Variants in TAS2R1 observed in about 807,000 individuals in gnomAD.
TAS2R1 encodes taste 2 receptor member 1.
For synonymous variants in TAS2R1, 141 were observed against 134.2 expected, an observed-to-expected ratio of 1.05 and a Z score of -0.35; for missense variants, 370 against 353.4, an observed-to-expected ratio of 1.05 and a Z score of -0.38.
the TAS2R1 span, among the ~76,000 whole-genome samples, chr5:9,840,959 C>G: frequency 6.6e-6 from 1 of 150,532 alleles, no homozygotes; most frequent in African/African-American, 2.4e-5. Context: ...ACTGCAAACT[C>G]TGCCTCCCGG....
chr5:9,764,640 C>T, the TAS2R1 span, among the ~76,000 whole-genome samples: 3 of 152,170 alleles, frequency 2.0e-5, no homozygotes, highest in Non-Finnish European at 4.4e-5. Flanking sequence ...AACATTGTCA[C>T]CCTTAAAGAC....
At chr5:9,837,468 A>C in the TAS2R1 span, among the ~76,000 whole-genome samples, 2 of 152,218 alleles carry the variant, frequency 1.3e-5, no homozygotes, top group African/African-American at 4.8e-5. Flanking sequence ...CTTGGAAGTA[A>C]ATAGGCGGGC....
the TAS2R1 span, among the ~76,000 whole-genome samples, chr5:9,827,011 T>C: frequency 1.3e-5 from 2 of 152,192 alleles, no homozygotes; most frequent in Admixed American, 1.3e-4. Context: ...TTTCCACCTC[T>C]GATAATGAAT....
the TAS2R1 span, among the ~76,000 whole-genome samples, chr5:9,882,253 C>A: frequency 3.3e-5 from 5 of 152,090 alleles, no homozygotes; most frequent in African/African-American, 1.2e-4. Flanking sequence ...TGAAAAAAAG[C>A]TCAACATCAG....
chr5:9,667,326 G>C (rs1183403772), intron 1 of TAS2R1, among the ~76,000 whole-genome samples: 1 of 152,162 alleles, frequency 6.6e-6, no homozygotes, highest in Non-Finnish European at 1.5e-5. Flanking sequence ...AGAGCTTCCA[G>C]CCTAGAGGCT....
chr5:9,864,649 A>G, the TAS2R1 span, among the ~76,000 whole-genome samples: 2 of 150,008 alleles, frequency 1.3e-5, no homozygotes, highest in African/African-American at 4.9e-5. Flanking sequence ...AAAAAAAAGA[A>G]GGTGAAGTAG....
chr5:9,633,319 T>TATATATATAC (rs1475834697), upstream of TAS2R1, among the ~76,000 whole-genome samples: 6 of 137,476 alleles, frequency 4.4e-5, no homozygotes, highest in Admixed American at 2.1e-4. Flanking sequence ...TATATATATA[T>TATATATATAC]ACACAAATGT....
At chr5:9,893,233 G>A in the TAS2R1 span, among the ~76,000 whole-genome samples, 6 of 144,014 alleles carry the variant, frequency 4.2e-5, no homozygotes, top group Non-Finnish European at 7.5e-5. Flanking sequence ...TTTGGAGACA[G>A]AGTCTCAGAT....
At chr5:9,716,490 C>A (rs945141860), upstream of TAS2R1, among the ~76,000 whole-genome samples, 1 of 151,932 alleles carries the variant, frequency 6.6e-6, no homozygotes, top group Non-Finnish European at 1.5e-5. Flanking sequence ...AACCCAGAGA[C>A]AACAATCGAT....
rs1739841802 is a variant in TAS2R1 at position 9,630,009 on chromosome 5, G to A, written c.24C>T (p.Ile8=). The stretch of plus-strand genomic sequence containing the variant: ...ATTGTATCACTGCAAGAAGAAAATA[G>A]ATAATGAGGTGAGACTCTAGCATTT... MLESHLI[I]YFLLAVIQFL... Residue 8 remains isoleucine (I), a synonymous_variant, in exon 1 of 1, where the codon ATC becomes ATT. Transcript: ENST00000382492. The A allele has an allele frequency of 6.3e-7, 1 of 1,579,800 alleles. No homozygotes were observed. The highest frequency in any genetic ancestry group is 1.4e-5 in the African/African-American group (1 of 72,788).
At chr5:9,789,792 G>C in the TAS2R1 span, among the ~76,000 whole-genome samples, 1 of 152,210 alleles carries the variant, frequency 6.6e-6, no homozygotes, top group Non-Finnish European at 1.5e-5. Context: ...CTTGGGTTTG[G>C]TAAGTTATGC....
At chr5:9,723,252 A>G in the TAS2R1 span, among the ~76,000 whole-genome samples, 2 of 152,160 alleles carry the variant, frequency 1.3e-5, no homozygotes, top group Non-Finnish European at 2.9e-5. Flanking sequence ...TTCTCTGTCA[A>G]AATGCAGCCA....
the TAS2R1 span, among the ~76,000 whole-genome samples, chr5:9,848,167 G>A: frequency 6.6e-6 from 1 of 152,208 alleles, no homozygotes; most frequent in Non-Finnish European, 1.5e-5. Flanking sequence ...CACTGCTTCT[G>A]TCAGCAATAA....
intron 1 of TAS2R1, among the ~76,000 whole-genome samples, chr5:9,675,419 CTTTT>C (rs35909213): frequency 7.4e-6 from 1 of 135,786 alleles, no homozygotes; most frequent in African/African-American, 2.7e-5. Context: ...TTTTCTTTTT[CTTTT>C]TTTTTTTTTT....
At chr5:9,859,764 G>T in the TAS2R1 span, among the ~76,000 whole-genome samples, 1 of 152,128 alleles carries the variant, frequency 6.6e-6, no homozygotes, top group Non-Finnish European at 1.5e-5. Context: ...TTCAACAACA[G>T]GATCCTCACT....
chr5:9,726,113 G>A, the TAS2R1 span, among the ~76,000 whole-genome samples: 2 of 151,906 alleles, frequency 1.3e-5, no homozygotes, highest in South Asian at 4.2e-4. Context: ...TCTAGCTCAG[G>A]GATTGTAAAT....
At chr5:9,769,297 T>C in the TAS2R1 span, among the ~76,000 whole-genome samples, 2 of 152,208 alleles carry the variant, frequency 1.3e-5, no homozygotes, top group African/African-American at 2.4e-5. Flanking sequence ...ATATGTACCA[T>C]GTTTTCTTTA....
chr5:9,712,758 T>C (rs1276658889), upstream of TAS2R1, among the ~76,000 whole-genome samples: 5 of 152,256 alleles, frequency 3.3e-5, no homozygotes, highest in South Asian at 1.0e-3. Flanking sequence ...CCTTCCTCCA[T>C]TTATTACACA....
the TAS2R1 span, among the ~76,000 whole-genome samples, chr5:9,825,442 TC>T: frequency 2.0e-5 from 3 of 152,160 alleles, no homozygotes; most frequent in Non-Finnish European, 4.4e-5. Flanking sequence ...TTCAATTATC[TC>T]CCACCAGGTC....
Sources: allele counts gnomAD v4.1 joint callset (sites outside exome capture counted in the v4.1 genomes callset), GRCh38; gene constraint gnomAD v4.1.1; transcripts MANE v1.5; gene names NCBI Gene and HGNC (gene_info 2026-07-23, HGNC 2026-07-21).